The following PCLO variants were observed in gnomAD, a reference collection of about 807,000 sequenced individuals.
PCLO encodes protein piccolo.
Under a neutral mutation model 427.5 loss-of-function variants are expected in PCLO, and 82 were observed. The observed-to-expected ratio is 0.19, with a 90% CI of 0.16 to 0.23. PCLO has a LOEUF of 0.23. PCLO is among the 10% of genes least tolerant of loss of function. The probability of loss-of-function intolerance (pLI) is 1.00; values close to 1 mark genes in which losing one functional copy is unlikely to be tolerated. For synonymous variants in PCLO, 2,357 were observed against 2,155.4 expected, an observed-to-expected ratio of 1.09 and a Z score of -2.59; for missense variants, 6,239 against 6,115.9, an observed-to-expected ratio of 1.02 and a Z score of -0.67.
intron 10 of PCLO, among the ~76,000 whole-genome samples, chr7:82,852,415 CAGA>C (rs1277204552): frequency 2.0e-5 from 3 of 152,078 alleles, no homozygotes; most frequent in Non-Finnish European, 4.4e-5. Context: ...ATAAAGCAGG[CAGA>C]AGAAGCTGGA....
intron 3 of PCLO, among the ~76,000 whole-genome samples, chr7:83,097,332 C>G (rs1320738393): frequency 7.0e-6 from 1 of 143,570 alleles, no homozygotes; most frequent in Non-Finnish European, 1.5e-5. Flanking sequence ...ACCATCCTGG[C>G]TAAAACGATG....
chr7:83,038,021 ATATATATATT>A (rs1788851292), intron 3 of PCLO, among the ~76,000 whole-genome samples: 2 of 55,092 alleles, frequency 3.6e-5, no homozygotes, highest in African/African-American at 1.2e-4. Flanking sequence ...ATATATATAT[ATATATATATT>A]TATATATTTA....
At chr7:82,758,960 G>T (rs2129467469) in intron 24 of PCLO, among the ~76,000 whole-genome samples, 1 of 151,950 alleles carries the variant, frequency 6.6e-6, no homozygotes, top group Admixed American at 6.6e-5. Flanking sequence ...GACACATTCT[G>T]AAGAATGTGA....
At chr7:83,137,796 C>A (rs1791766427) in intron 2 of PCLO, among the ~76,000 whole-genome samples, 1 of 152,130 alleles carries the variant, frequency 6.6e-6, no homozygotes, top group South Asian at 2.1e-4. Context: ...ACTATATTGT[C>A]TTAACCTTTC....
At chr7:83,078,893 A>C (rs1435624791) in intron 3 of PCLO, among the ~76,000 whole-genome samples, 1 of 152,134 alleles carries the variant, frequency 6.6e-6, no homozygotes, top group African/African-American at 2.4e-5. Flanking sequence ...TTATAAAATA[A>C]TACCAGCAAA....
At chr7:82,858,552 A>AT (rs1792866898) in intron 10 of PCLO, among the ~76,000 whole-genome samples, 1 of 152,176 alleles carries the variant, frequency 6.6e-6, no homozygotes, top group Non-Finnish European at 1.5e-5. Flanking sequence ...TATGGAAAAC[A>AT]GTCAAGACTC....
At chr7:82,872,688 A>C (rs914774105) in intron 10 of PCLO, among the ~76,000 whole-genome samples, 2 of 152,148 alleles carry the variant, frequency 1.3e-5, no homozygotes, top group Admixed American at 6.6e-5. Flanking sequence ...TAATTATAGC[A>C]TTGTCTAAAG....
At chr7:82,872,996 A>G (rs1389388028) in intron 10 of PCLO, among the ~76,000 whole-genome samples, 1 of 152,152 alleles carries the variant, frequency 6.6e-6, no homozygotes, top group Non-Finnish European at 1.5e-5. Flanking sequence ...TATAACCCGA[A>G]TTAAGTCTGA....
In PCLO at chr7:82,822,657, T is replaced by A; in HGVS notation, c.14629A>T (p.Ser4877Cys). 1 of 1,613,628 alleles carries A rather than the reference T, an allele frequency of 6.2e-7. No individual in the cohort carries two copies. Among genetic ancestry groups the A allele is most frequent in the East Asian group, 2.2e-5 (1 of 44,866 alleles). ...MQVPTIEKSH[S>C]SPGSSKSSSE... ...GATGATTTTGAGCTACCAGGACTAC[T>A]ATGGGATTTCTCAATGGTGGGAACC... The change falls in exon 20 of 25, where the codon AGT (serine) becomes TGT (cysteine). Residue 4877 changes from serine to cysteine, a missense_variant. Ser to Cys is a moderately radical substitution (Grantham distance 112, BLOSUM62 -1). Transcript: ENST00000333891.
intron 22 of PCLO, among the ~76,000 whole-genome samples, chr7:82,769,978 G>A (rs1790615096): frequency 6.6e-6 from 1 of 152,152 alleles, no homozygotes; most frequent in African/African-American, 2.4e-5. Context: ...AATTGTGTTG[G>A]TTTACTTAGT....
chr7:83,099,391 GT>G (rs11363474), intron 3 of PCLO, among the ~76,000 whole-genome samples: 66,380 of 143,680 alleles, frequency 0.46, 15,347 homozygotes, highest in East Asian at 0.71. Flanking sequence ...AGATTTTTTT[GT>G]TTTTTTTTTT....
intron 3 of PCLO, among the ~76,000 whole-genome samples, chr7:83,091,742 T>G (rs1038102988): frequency 6.6e-6 from 1 of 152,178 alleles, no homozygotes; most frequent in African/African-American, 2.4e-5. Context: ...AAAATGTGTT[T>G]AAATCATGGA....
intron 22 of PCLO, among the ~76,000 whole-genome samples, chr7:82,769,968 A>G (rs1234254576): frequency 6.6e-6 from 1 of 152,078 alleles, no homozygotes; most frequent in Non-Finnish European, 1.5e-5. Flanking sequence ...TGCTCTAAAT[A>G]ATTGTGTTGG....
chr7:82,902,401 G>T (rs1794065840), intron 9 of PCLO, among the ~76,000 whole-genome samples: 1 of 151,754 alleles, frequency 6.6e-6, no homozygotes, highest in Non-Finnish European at 1.5e-5. Context: ...ACAGGGCGGG[G>T]AACATCACAC....
In PCLO at chr7:82,791,274, T is replaced by G. The variant is rs566936114; in HGVS notation, c.15007+10244A>C. ...AGAATGAATATAAATAATCATTCAA[T>G]ATGACAATATCATAATAATATGTGT... On this transcript the variant is annotated intron_variant, in intron 22 of 24. Transcript: ENST00000333891. 1.1e-4 allele frequency among the ~76,000 whole-genome samples: 16 copies of G among 152,304 alleles called. No homozygotes were observed. In the South Asian group the frequency reaches 3.1e-3, roughly 30 times the overall value.
intron 3 of PCLO, among the ~76,000 whole-genome samples, chr7:83,087,074 G>A (rs1036349610): frequency 7.7e-6 from 1 of 130,254 alleles, no homozygotes; most frequent in African/African-American, 2.9e-5. Context: ...GTCATAGGGT[G>A]GGGGGAAGGG....
chr7:83,034,491 T>C (rs1162664254), intron 3 of PCLO, among the ~76,000 whole-genome samples: 1 of 152,214 alleles, frequency 6.6e-6, no homozygotes, highest in African/African-American at 2.4e-5. Context: ...CCTGGTCCCA[T>C]GCTGTTTTCT....
At chr7:82,992,932 G>C (rs1796410892) in intron 3 of PCLO, among the ~76,000 whole-genome samples, 1 of 152,006 alleles carries the variant, frequency 6.6e-6, no homozygotes, top group Admixed American at 6.6e-5. Context: ...TATTAAATGT[G>C]TTTGAGGGCC....
chr7:82,971,624 T>G (rs2115704929), intron 3 of PCLO, among the ~76,000 whole-genome samples: 1 of 147,732 alleles, frequency 6.8e-6, no homozygotes, highest in African/African-American at 2.5e-5. Flanking sequence ...ATCGTATAGA[T>G]ATATATGATA....
Sources: gnomAD v4.1 joint callset for allele counts (sites outside exome capture counted in the v4.1 genomes callset) on GRCh38, gnomAD v4.1.1 for gene constraint, MANE v1.5 for transcripts, NCBI Gene and HGNC (gene_info 2026-07-23, HGNC 2026-07-21) for gene names.